AGBL4: variants seen among roughly 807,000 people sequenced by gnomAD.
AGBL4 encodes cytosolic carboxypeptidase 6.
Under a neutral mutation model 66.4 loss-of-function variants are expected in AGBL4, and 58 were observed. The observed-to-expected ratio is 0.87, with a 90% confidence interval of 0.71 to 1.09. The LOEUF (loss-of-function observed/expected upper bound fraction) is 1.09. AGBL4 is among the 50% of genes least tolerant of loss of function. The pLI is 0.00. For missense variants in AGBL4, 579 were observed against 631.0 expected (o/e 0.92, Z 0.88); for synonymous variants, 234 against 222.9 (o/e 1.05, Z -0.44).
chr1:49,458,092 G>C (rs1392834087), intron 3 of AGBL4, among the ~76,000 whole-genome samples: 2 of 151,638 alleles, frequency 1.3e-5, no homozygotes, highest in Non-Finnish European at 3.0e-5. Flanking sequence ...TGTGAATAAT[G>C]ATGGTAGAAT....
At chr1:49,231,658 T>G (rs75826323) in intron 4 of AGBL4, among the ~76,000 whole-genome samples, 3,999 of 152,232 alleles carry the variant, frequency 0.026, 73 homozygotes, top group Non-Finnish European at 0.042. Flanking sequence ...CACATACACA[T>G]AAACCCATAC....
rs890307049 is a variant in AGBL4, at chr1:49,263,063, C to A, written c.283-17199G>T. Reference sequence around the variant, plus strand: ...AGTAAACTATCGCAAGGACAAAAAACCAAACACCGCATGTTCTCACTCATA... The same window carrying A: ...AGTAAACTATCGCAAGGACAAAAAAACAAACACCGCATGTTCTCACTCATA... On this transcript the variant is annotated intron_variant, in intron 3 of 13. Coordinates refer to ENST00000371839, the MANE Select transcript of AGBL4 (RefSeq NM_032785.4). Among the ~76,000 whole-genome samples the A allele has an allele frequency of 4.8e-4, 73 of 151,660 alleles. 1 individual carries two copies. The highest frequency in any genetic ancestry group is 8.7e-4 in the Non-Finnish European group (59 of 67,904).
intron 3 of AGBL4, among the ~76,000 whole-genome samples, chr1:49,392,813 T>G (rs570926758): frequency 6.6e-6 from 1 of 152,288 alleles, no homozygotes; most frequent in South Asian, 2.1e-4. Context: ...GTGGTACAAT[T>G]ACAAGTAATT....
intron 3 of AGBL4, among the ~76,000 whole-genome samples, chr1:49,415,950 C>A (rs1043659578): frequency 6.6e-6 from 1 of 151,960 alleles, no homozygotes; most frequent in Non-Finnish European, 1.5e-5. Flanking sequence ...ATGCAGAAAC[C>A]AGGGAGTTGC....
chr1:49,683,073 C>A (rs1334466497), intron 3 of AGBL4, among the ~76,000 whole-genome samples: 1 of 152,114 alleles, frequency 6.6e-6, no homozygotes, highest in Non-Finnish European at 1.5e-5. Context: ...GTCTTTACTG[C>A]TAATTTAGAA....
At chr1:49,150,895 AAAT>A (rs2148118706) in intron 4 of AGBL4, among the ~76,000 whole-genome samples, 1 of 152,324 alleles carries the variant, frequency 6.6e-6, no homozygotes, top group South Asian at 2.1e-4. Flanking sequence ...TGTGCTTGGC[AAAT>A]AATGAATACT....
At chr1:50,022,046 C>T (rs1662482810) in intron 1 of AGBL4, among the ~76,000 whole-genome samples, 1 of 152,204 alleles carries the variant, frequency 6.6e-6, no homozygotes, top group Non-Finnish European at 1.5e-5. Flanking sequence ...GCCTCGACCA[C>T]TCTTTGCCCT....
intron 3 of AGBL4, among the ~76,000 whole-genome samples, chr1:49,618,569 A>G (rs1645295552): frequency 6.6e-6 from 1 of 152,198 alleles, no homozygotes; most frequent in South Asian, 2.1e-4. Flanking sequence ...TCCTTCTAAA[A>G]CTATTCCAAA....
At chr1:49,394,123 TAAA>T (rs913932915) in intron 3 of AGBL4, among the ~76,000 whole-genome samples, 2 of 147,050 alleles carry the variant, frequency 1.4e-5, no homozygotes, top group Non-Finnish European at 3.0e-5. Context: ...TCACTGACAT[TAAA>T]AAAAAAAATT....
At chr1:49,643,187 G>A (rs1341680845) in intron 3 of AGBL4, among the ~76,000 whole-genome samples, 1 of 151,560 alleles carries the variant, frequency 6.6e-6, no homozygotes, top group African/African-American at 2.4e-5. Flanking sequence ...ACACCAAACG[G>A]GACTAAAGGC....
rs773187905 is a variant in AGBL4 at position 49,697,379 on chromosome 1, C to A, written c.216G>T (p.Pro72=). ...SEFEYDLFIR[P]DTCNPRFRVW... Reference sequence around the variant, plus strand: ...CTCGGAAGCGTGGATTACAGGTGTCCGGCCTAATGAACAGATCATACTCAA... The same window carrying A: ...CTCGGAAGCGTGGATTACAGGTGTCAGGCCTAATGAACAGATCATACTCAA... Residue 72 remains proline, a synonymous_variant, in exon 3 of 14, where the codon CCG becomes CCT. Transcript: ENST00000371839. 3 of 1,547,798 alleles carry A rather than the reference C, an allele frequency of 1.9e-6. No homozygotes were observed. The highest frequency in any genetic ancestry group is 2.6e-6 in the Non-Finnish European group (3 of 1,144,138).
intron 11 of AGBL4, among the ~76,000 whole-genome samples, chr1:48,548,213 A>T (rs1644195157): frequency 6.6e-6 from 1 of 150,466 alleles, no homozygotes; most frequent in African/African-American, 2.4e-5. Context: ...AAAGATAAAG[A>T]GTAGGGTAAG....
chr1:49,740,131 C>T (rs1304011800), intron 2 of AGBL4, among the ~76,000 whole-genome samples: 1 of 152,164 alleles, frequency 6.6e-6, no homozygotes, highest in Non-Finnish European at 1.5e-5. Context: ...CAAGATCCAT[C>T]AGTGTGCTGT....
intron 1 of AGBL4, among the ~76,000 whole-genome samples, chr1:49,912,159 G>C (rs1329256009): frequency 5.3e-5 from 8 of 152,216 alleles, no homozygotes; most frequent in Non-Finnish European, 1.2e-4. Flanking sequence ...AGAGGGCCCA[G>C]TCCCAGATCC....
At chr1:49,525,160 G>A (rs1650558938) in intron 3 of AGBL4, among the ~76,000 whole-genome samples, 1 of 151,990 alleles carries the variant, frequency 6.6e-6, no homozygotes, top group Non-Finnish European at 1.5e-5. Flanking sequence ...GGATATGGTG[G>A]TGAACAATAT....
chr1:49,380,098 A>G (rs1644565663), intron 3 of AGBL4, among the ~76,000 whole-genome samples: 1 of 152,124 alleles, frequency 6.6e-6, no homozygotes, highest in African/African-American at 2.4e-5. Context: ...ATATCTAGAA[A>G]ACCCCATTGG....
At chr1:49,047,125 T>C (rs545604474) in intron 4 of AGBL4, among the ~76,000 whole-genome samples, 1 of 152,240 alleles carries the variant, frequency 6.6e-6, no homozygotes, top group South Asian at 2.1e-4. Flanking sequence ...GTGGCCAGGG[T>C]GGGAGGTGTG....
rs993107770 is a variant in AGBL4, at chr1:48,535,034, T to C, written c.1365-118A>G. ...TTGTTTTTAACACCCAAACGGAGCATAGGACGTAAGTATGTTTTTATGGGG... is the reference window on the plus strand; with the variant it reads ...TTGTTTTTAACACCCAAACGGAGCACAGGACGTAAGTATGTTTTTATGGGG... On this transcript the variant is annotated intron_variant, in intron 12 of 13. Transcript: ENST00000371839. 3.6e-5 allele frequency: 34 copies of C among 950,700 alleles called. No homozygotes were observed. In the East Asian group the frequency reaches 5.0e-4, roughly 14 times the overall value. The allele number at this position is 950,700 out of a possible 1,614,324, so 58.9% of individuals were successfully genotyped here. A position where few individuals can be genotyped will look rare whatever the true frequency, so the allele number is the denominator to read the frequency against.
chr1:49,801,850 G>T (rs939698588), intron 2 of AGBL4, among the ~76,000 whole-genome samples: 1 of 152,162 alleles, frequency 6.6e-6, no homozygotes. Flanking sequence ...TCTTCAAGTG[G>T]CCTGCACAGT....
Sources: gnomAD v4.1 joint callset for allele counts (sites outside exome capture counted in the v4.1 genomes callset) on GRCh38, gnomAD v4.1.1 for gene constraint, MANE v1.5 for transcripts, NCBI Gene and HGNC (gene_info 2026-07-23, HGNC 2026-07-21) for gene names.